Variants in TASOR observed in about 807,000 individuals in gnomAD.
TASOR encodes the protein transcription activation suppressor.
TASOR carries 53 observed loss-of-function variants against 178.6 expected under a neutral mutation model. The ratio of observed to expected loss-of-function variants is 0.30; its 90% CI spans 0.24 to 0.37. The LOEUF (loss-of-function observed/expected upper bound fraction) is 0.37. TASOR is among the 10% of genes least tolerant of loss of function. The pLI is 1.00. For missense variants in TASOR, 1,815 were observed against 1,971.4 expected (o/e 0.92, Z 1.50); for synonymous variants, 713 against 696.2 (o/e 1.02, Z -0.38).
intron 6 of TASOR, among the ~76,000 whole-genome samples, chr3:56,666,934 G>A (rs2030070362): frequency 6.6e-6 from 1 of 152,134 alleles, no homozygotes; most frequent in African/African-American, 2.4e-5. Flanking sequence ...GTACAGTTTT[G>A]TAACTTTCAG....
chr3:56,679,212 ATCT>A (rs1373369527), intron 1 of TASOR, among the ~76,000 whole-genome samples: 2 of 152,186 alleles, frequency 1.3e-5, no homozygotes, highest in Non-Finnish European at 2.9e-5. Flanking sequence ...TCACAGTAAG[ATCT>A]TTTTTTAAAA....
chr3:56,652,636 A>G (rs1447369035), intron 11 of TASOR, among the ~76,000 whole-genome samples: 1 of 152,208 alleles, frequency 6.6e-6, no homozygotes. Flanking sequence ...TAGGCAAAGA[A>G]TACCGGAATA....
chr3:56,676,982 G>A (rs908694125), intron 1 of TASOR, among the ~76,000 whole-genome samples: 6 of 152,124 alleles, frequency 3.9e-5, no homozygotes, highest in South Asian at 4.1e-4. Flanking sequence ...TCGTTAGGCC[G>A]GTTATAATTT....
rs1356140484 is a variant in TASOR, at chr3:56,649,062, A to G, written c.1369-5T>C. 9 of 1,597,374 alleles carry G rather than the reference A, an allele frequency of 5.6e-6. No individual in the cohort carries two copies. The Middle Eastern group carries it at 6.7e-4, about 118-fold the overall frequency. On this transcript the variant is annotated splice_region_variant and splice_polypyrimidine_tract_variant and intron_variant, in intron 11 of 23. Coordinates refer to ENST00000683822, the MANE Select transcript of TASOR (RefSeq NM_001365635.2). ...TCCCAAAGGTTTAACAAGAACCTGTATTTTGAGGGGAAGGAAGAAGTTGTA... is the reference window on the plus strand; with the variant it reads ...TCCCAAAGGTTTAACAAGAACCTGTGTTTTGAGGGGAAGGAAGAAGTTGTA...
rs562318050 is a variant in TASOR at position 56,646,714 on chromosome 3, C to T, written c.2023G>A (p.Asp675Asn). ...SGKQRSSHSL[D>N]YDKDRVKELI... The stretch of plus-strand genomic sequence containing the variant: ...TCTTTGACTCTATCCTTATCATAAT[C>T]CAAAGAATGAGATGATCTTTGCTTT... The change falls in exon 14 of 24, where the codon GAT becomes AAT. Residue 675 changes from aspartate (D) to asparagine (N), a missense_variant. Around this residue, in one of 5 missense-constraint regions of TASOR, gnomAD observed 504 missense variants for 645.3 expected, o/e 0.78. Coordinates refer to ENST00000683822, the MANE Select transcript of TASOR (RefSeq NM_001365635.2). 7.4e-6 allele frequency: 12 copies of T among 1,613,812 alleles called. No homozygotes were observed. The highest frequency in any genetic ancestry group is 1.0e-5 in the Non-Finnish European group (12 of 1,179,950).
Position 56,622,993 on chromosome 3 carries a change from TAAAC to T in TASOR, c.*40_*43del, listed in dbSNP as rs553055893. 218 of 1,261,462 alleles carry T rather than the reference TAAAC, an allele frequency of 1.7e-4. No homozygotes were observed. In the African/African-American group the frequency reaches 1.9e-3, roughly 11 times the overall value. The allele number at this position is 1,261,462 out of a possible 1,614,324, so 78.1% of individuals were successfully genotyped here. A position where few individuals can be genotyped will look rare whatever the true frequency, so the allele number is the denominator to read the frequency against. On this transcript the variant is annotated 3_prime_UTR_variant, in exon 24 of 24. Coordinates refer to ENST00000683822, the MANE Select transcript of TASOR (RefSeq NM_001365635.2). The stretch of plus-strand genomic sequence containing the variant: ...TAGAGAATGAAATATAAATTGTTAA[TAAAC>T]AAAGTCCACAACAATCTCTTAAAAA...
At chr3:56,658,723 A>G (rs967759615) in intron 11 of TASOR, among the ~76,000 whole-genome samples, 1 of 152,192 alleles carries the variant, frequency 6.6e-6, no homozygotes. Context: ...CCTGGGCAAC[A>G]TGATAAAACC....
chr3:56,682,537 TGG>T (rs2031894482), intron 1 of TASOR, 137 bp downstream of exon 1: 3 of 755,160 alleles, frequency 4.0e-6, no homozygotes, highest in Non-Finnish European at 5.7e-6. Flanking sequence ...TGGGCGGCCG[TGG>T]CGGTGAGGGG....
At chr3:56,659,881 CTTTTTTT>C (rs915429253) in intron 11 of TASOR, among the ~76,000 whole-genome samples, 1 of 148,272 alleles carries the variant, frequency 6.7e-6, no homozygotes, top group Non-Finnish European at 1.5e-5. Context: ...TTTCTTTTTT[CTTTTTTT>C]TTTGAGATGG....
chr3:56,667,502 A>G (rs1559848877), intron 6 of TASOR, among the ~76,000 whole-genome samples: 1 of 152,056 alleles, frequency 6.6e-6, no homozygotes, highest in South Asian at 2.1e-4. Flanking sequence ...AAAAAAATAC[A>G]AAAAATTAGC....
At chr3:56,627,882 AAT>A in intron 19 of TASOR, 141 bp from the exon 20 acceptor site, 1 of 356,246 alleles carries the variant, frequency 2.8e-6, no homozygotes, top group African/African-American at 4.6e-5. Context: ...AAGCCACACA[AAT>A]AATATTCCCA....
rs2076588080 is a variant in TASOR, at chr3:56,621,358, T to C, written c.*1679A>G. 4 of 418,040 alleles carry C rather than the reference T, an allele frequency of 9.6e-6. No homozygotes were observed. The Admixed American group carries it at 1.2e-4, about 13-fold the overall frequency. The allele number at this position is 418,040 out of a possible 1,614,324, so 25.9% of individuals were successfully genotyped here. Reference sequence around the variant, plus strand: ...TAAAAACAGAATCTTACAAATGTGATAGCTATATATCCAAATGAGGTGGTC... The same window carrying C: ...TAAAAACAGAATCTTACAAATGTGACAGCTATATATCCAAATGAGGTGGTC... On this transcript the variant is annotated 3_prime_UTR_variant, in exon 24 of 24. Transcript: ENST00000683822.
At chr3:56,663,846 C>T in intron 7 of TASOR, 1 of 996,052 alleles carries the variant, frequency 1.0e-6, no homozygotes, top group Non-Finnish European at 1.2e-6. Context: ...GAACAGTGTC[C>T]ACCAAAGTCT....
In TASOR at chr3:56,647,948, C is replaced by T. The variant is rs1424499117; in HGVS notation, c.1514-725G>A. On this transcript the variant is annotated intron_variant, in intron 13 of 23. Transcript: ENST00000683822. ...GAATAGTGGCTCATGCCTCTAATCC[C>T]AGCAGCTTGGGAGGCTGAGGTAGTT... is the stretch of plus-strand genomic sequence containing the variant. 3.3e-5 allele frequency among the ~76,000 whole-genome samples: 5 copies of T among 152,110 alleles called. No individual in the cohort carries two copies. In the East Asian group the frequency reaches 5.8e-4, roughly 18 times the overall value.
chr3:56,641,453 T>C lies in TASOR; in HGVS notation c.2515A>G (p.Lys839Glu), dbSNP rs769180519. Residue 839 changes from lysine to glutamate, a missense_variant, in exon 15 of 24, where the codon AAG (lysine) becomes GAG (glutamate). Lys to Glu is a moderately conservative substitution (Grantham distance 56). This residue lies in a region of TASOR where 655 missense variants were observed against 671.1 expected (regional missense o/e 0.98). Coordinates refer to ENST00000683822, the MANE Select transcript of TASOR (RefSeq NM_001365635.2). ...TCAKVENAQFKGTQSLLLEVD... is the reference protein window; with the variant it reads ...TCAKVENAQFEGTQSLLLEVD... The stretch of plus-strand genomic sequence containing the variant: ...TCTAGTAATAAGCTCTGAGTACCCT[T>C]AAACTGTGCATTTTCAACTTTTGCA... 1.9e-6 allele frequency: 3 copies of C among 1,613,238 alleles called. No homozygotes were observed. In the African/African-American group the frequency reaches 4.0e-5, roughly 22 times the overall value.
intron 13 of TASOR, 105 bp from the exon 14 acceptor site, chr3:56,647,328 AT>A: frequency 1.1e-6 from 1 of 880,078 alleles, no homozygotes; most frequent in Admixed American, 3.3e-5. Context: ...ACATTTATAC[AT>A]TAATGTTGAA....
chr3:56,632,945 A>T, intron 18 of TASOR, 99 bp downstream of exon 18: 1 of 1,026,740 alleles, frequency 9.7e-7, no homozygotes, highest in Non-Finnish European at 1.4e-6. Context: ...CCTAACATTT[A>T]AACACAAAAC....
intron 18 of TASOR, among the ~76,000 whole-genome samples, chr3:56,629,435 A>C (rs991867291): frequency 4.6e-5 from 7 of 152,210 alleles, no homozygotes; most frequent in Admixed American, 1.3e-4. Flanking sequence ...AAACGCCTTC[A>C]GAGTTAAGAA....
At chr3:56,636,379 G>T (rs1301710904) in intron 17 of TASOR, among the ~76,000 whole-genome samples, 1 of 151,440 alleles carries the variant, frequency 6.6e-6, no homozygotes, top group East Asian at 1.9e-4. Flanking sequence ...CCATAATAAA[G>T]CTTTTGTTGT....
Sources: gnomAD v4.1 joint callset for allele counts (sites outside exome capture counted in the v4.1 genomes callset) on GRCh38, gnomAD v4.1.1 for gene constraint, gnomAD v4.1.1 regional missense constraint, MANE v1.5 for transcripts, NCBI Gene and HGNC (gene_info 2026-07-23, HGNC 2026-07-21) for gene names.